CHN2: variants seen among roughly 807,000 people sequenced by gnomAD.
CHN2 encodes beta-chimaerin.
Under a neutral mutation model 56.3 loss-of-function variants are expected in CHN2, and 35 were observed. That is an observed-to-expected ratio of 0.62 (90% CI 0.47 to 0.82). The LOEUF (loss-of-function observed/expected upper bound fraction) is 0.82, where lower values mean the gene tolerates loss of function less well. Ranked by LOEUF, CHN2 falls within the 40% of genes least tolerant of loss-of-function variation. The pLI is 0.00. For missense variants in CHN2, 491 were observed against 580.5 expected, an observed-to-expected ratio of 0.85 and a Z score of 1.58; for synonymous variants, 210 against 212.8, an observed-to-expected ratio of 0.99 and a Z score of 0.12.
chr7:29,361,585 C>G (rs374151946), intron 2 of CHN2, among the ~76,000 whole-genome samples: 1 of 152,170 alleles, frequency 6.6e-6, no homozygotes, highest in African/African-American at 2.4e-5. Context: ...TTTGCCTTCC[C>G]CTTCCCTCCT....
At chr7:29,406,010 G>C (rs1323086459) in intron 6 of CHN2, among the ~76,000 whole-genome samples, 1 of 152,210 alleles carries the variant, frequency 6.6e-6, no homozygotes, top group Non-Finnish European at 1.5e-5. Context: ...TGTCCCGAGT[G>C]GTTCTCCCCA....
chr7:29,230,926 T>A (rs1786647084), intron 1 of CHN2, among the ~76,000 whole-genome samples: 1 of 152,194 alleles, frequency 6.6e-6, no homozygotes, highest in African/African-American at 2.4e-5. Context: ...GTATAATCAG[T>A]TTGCATCTTA....
At chr7:29,483,717 A>G in intron 7 of CHN2, 1 of 526,596 alleles carries the variant, frequency 1.9e-6, no homozygotes, top group Non-Finnish European at 2.6e-6. Context: ...TGAATGGTCC[A>G]CCCTAATAAT....
At chr7:29,444,417 C>T (rs550159320) in intron 6 of CHN2, among the ~76,000 whole-genome samples, 1 of 152,300 alleles carries the variant, frequency 6.6e-6, no homozygotes, top group Admixed American at 6.5e-5. Context: ...TGGGGCATTT[C>T]ATCTGGGCCC....
intron 1 of CHN2, among the ~76,000 whole-genome samples, chr7:29,259,508 A>G (rs935615857): frequency 3.3e-5 from 5 of 152,074 alleles, no homozygotes; most frequent in Admixed American, 1.3e-4. Flanking sequence ...GTGTGTGTGT[A>G]TATTCATTAT....
intron 6 of CHN2, among the ~76,000 whole-genome samples, chr7:29,449,816 TAGGCCA>T (rs746201520): frequency 6.6e-6 from 1 of 152,220 alleles, no homozygotes; most frequent in Non-Finnish European, 1.5e-5. Context: ...TGAAGTAATT[TAGGCCA>T]AGGCCAAGCC....
chr7:29,406,319 C>A (rs1451991057), intron 6 of CHN2, among the ~76,000 whole-genome samples: 1 of 152,114 alleles, frequency 6.6e-6, no homozygotes, highest in Non-Finnish European at 1.5e-5. Context: ...TGGAGCTGAT[C>A]ACCTTCTCAG....
intron 2 of CHN2, among the ~76,000 whole-genome samples, chr7:29,357,764 T>C (rs1367335728): frequency 6.6e-6 from 1 of 152,194 alleles, no homozygotes; most frequent in Non-Finnish European, 1.5e-5. Context: ...AGATGCTTTT[T>C]AAAAAATCCA....
At chr7:29,237,734 C>T (rs543849532) in intron 1 of CHN2, among the ~76,000 whole-genome samples, 4 of 152,104 alleles carry the variant, frequency 2.6e-5, no homozygotes, top group African/African-American at 4.8e-5. Flanking sequence ...CAGAGCCAGA[C>T]AAACAGAAGT....
intron 1 of CHN2, among the ~76,000 whole-genome samples, chr7:29,282,533 A>G (rs902205868): frequency 2.6e-5 from 4 of 152,258 alleles, no homozygotes; most frequent in Non-Finnish European, 5.9e-5. Context: ...TTTGAAAAAT[A>G]ATTGTTATAA....
chr7:29,306,939 G>A (rs910980296), intron 1 of CHN2, among the ~76,000 whole-genome samples: 5 of 152,178 alleles, frequency 3.3e-5, no homozygotes, highest in African/African-American at 7.2e-5. Flanking sequence ...AGCTCTCAGC[G>A]TTAAAGATGT....
intron 1 of CHN2, among the ~76,000 whole-genome samples, chr7:29,209,943 G>A (rs1208226415): frequency 6.6e-6 from 1 of 152,150 alleles, no homozygotes; most frequent in East Asian, 1.9e-4. Flanking sequence ...AAGATCACTG[G>A]ATGAGGGGTC....
At chr7:29,391,321 TAGGA>T (rs1478471354) in intron 3 of CHN2, among the ~76,000 whole-genome samples, 5 of 94,680 alleles carry the variant, frequency 5.3e-5, no homozygotes, top group Non-Finnish European at 9.9e-5. Flanking sequence ...GGGAGGGAGG[TAGGA>T]AGGGAAGGGA....
At chr7:29,329,465 T>G (rs1440317803) in intron 1 of CHN2, among the ~76,000 whole-genome samples, 1 of 151,458 alleles carries the variant, frequency 6.6e-6, no homozygotes, top group African/African-American at 2.4e-5. Flanking sequence ...ATTTTTCTCA[T>G]TTTTTGATCA....
At chr7:29,417,651 A>C (rs1311055045) in intron 6 of CHN2, among the ~76,000 whole-genome samples, 1 of 152,188 alleles carries the variant, frequency 6.6e-6, no homozygotes, top group East Asian at 1.9e-4. Context: ...AAAATCAGGC[A>C]ATTTCATGTG....
intron 1 of CHN2, chr7:29,195,549 T>G: frequency 6.9e-6 from 1 of 144,528 alleles, no homozygotes; most frequent in Non-Finnish European, 1.5e-5. Flanking sequence ...TGAAGTGGGT[T>G]AGGGGAAGAG....
chr7:29,460,704 T>A lies in CHN2; in HGVS notation c.577-19575T>A, dbSNP rs951534117. Among the ~76,000 whole-genome samples the A allele has an allele frequency of 8.5e-5, 13 of 152,332 alleles. No individual in the cohort carries two copies. In the South Asian group the frequency reaches 2.7e-3, roughly 32 times the overall value. On this transcript the variant is annotated intron_variant, in intron 6 of 12. Coordinates refer to ENST00000222792, the MANE Select transcript of CHN2 (RefSeq NM_004067.4). ...GTCCAGAATCTTTCCAGGTGTGGCTTCTTTGGACAGAGCCATCTCTTGGTA... is the reference window on the plus strand; with the variant it reads ...GTCCAGAATCTTTCCAGGTGTGGCTACTTTGGACAGAGCCATCTCTTGGTA...
At chr7:29,318,113 G>T (rs1275131762) in intron 1 of CHN2, among the ~76,000 whole-genome samples, 1 of 152,186 alleles carries the variant, frequency 6.6e-6, no homozygotes, top group Non-Finnish European at 1.5e-5. Flanking sequence ...GAAGACTAGG[G>T]GTTAAAGAGA....
At chr7:29,461,280 G>A (rs1361271894) in intron 6 of CHN2, among the ~76,000 whole-genome samples, 1 of 152,214 alleles carries the variant, frequency 6.6e-6, no homozygotes, top group Non-Finnish European at 1.5e-5. Flanking sequence ...TCACCACCAT[G>A]TAGAACTTAG....
Sources: allele counts gnomAD v4.1 joint callset (sites outside exome capture counted in the v4.1 genomes callset), GRCh38; gene constraint gnomAD v4.1.1; transcripts MANE v1.5; gene names NCBI Gene and HGNC (gene_info 2026-07-23, HGNC 2026-07-21).